The following HOMER1 variants were observed in gnomAD, a reference collection of about 807,000 sequenced individuals.
HOMER1 encodes the protein homer protein homolog 1.
In HOMER1, 3 loss-of-function variants were observed where a neutral mutation model predicts 48.9. The ratio of observed to expected loss-of-function variants is 0.06; its 90% confidence interval spans 0.03 to 0.16. HOMER1 has a LOEUF of 0.16. Among genes scored for constraint, HOMER1 ranks in the 10% least tolerant of loss-of-function variants. The pLI, the probability that HOMER1 is intolerant of heterozygous loss-of-function variation, is 1.00. For missense variants in HOMER1, 247 were observed against 411.4 expected (o/e 0.60, Z 3.46); for synonymous variants, 134 against 146.4 (o/e 0.92, Z 0.61).
At chr5:79,405,033 G>A (rs530655866) in intron 5 of HOMER1, among the ~76,000 whole-genome samples, 50 of 152,146 alleles carry the variant, frequency 3.3e-4, no homozygotes, top group African/African-American at 1.1e-3. Context: ...GATTCTGTGC[G>A]TGAGGCTGAA....
chr5:79,478,460 G>A (rs1045166555), intron 1 of HOMER1, among the ~76,000 whole-genome samples: 3 of 151,872 alleles, frequency 2.0e-5, no homozygotes, highest in East Asian at 1.9e-4. Context: ...AGGCCGAGGC[G>A]GGCGGATTGC....
chr5:79,416,271 T>C (rs1580435517), intron 5 of HOMER1, among the ~76,000 whole-genome samples: 1 of 152,338 alleles, frequency 6.6e-6, no homozygotes, highest in East Asian at 1.9e-4. Flanking sequence ...TTAAACCTTT[T>C]ATGTAACCTC....
intron 5 of HOMER1, among the ~76,000 whole-genome samples, chr5:79,434,337 T>C (rs1750512655): frequency 1.3e-5 from 2 of 149,938 alleles, no homozygotes; most frequent in Admixed American, 1.3e-4. Context: ...AAAAATCTAT[T>C]ATTATTTATT....
At chr5:79,500,573 T>C (rs1316886050) in intron 1 of HOMER1, among the ~76,000 whole-genome samples, 1 of 152,090 alleles carries the variant, frequency 6.6e-6, no homozygotes, top group Non-Finnish European at 1.5e-5. Context: ...GTGAAGACAA[T>C]GAAGATGAAG....
rs1337567984 is a variant in HOMER1 at position 79,513,483 on chromosome 5, A to T, written c.-709T>A. The T allele has an allele frequency of 6.6e-6, 1 of 152,438 alleles. No individual in the cohort carries two copies. Among genetic ancestry groups the T allele is most frequent in the Non-Finnish European group, 1.5e-5 (1 of 68,228 alleles). 9.4% of individuals were successfully genotyped at this position (152,438 alleles called of 1,614,324 possible). ...GCAGGATCGATTCATTCTCCCGAAG[A>T]GAATAAACGGAGCCATTTCCAGGCT... On this transcript the variant is annotated 5_prime_UTR_variant, in exon 1 of 9. Coordinates refer to ENST00000334082, the MANE Select transcript of HOMER1 (RefSeq NM_004272.5).
rs544618636 is a variant in HOMER1 at position 79,451,229 on chromosome 5, C to T, written c.163-108G>A. The T allele has an allele frequency of 3.1e-5, 32 of 1,046,648 alleles. No individual in the cohort carries two copies. In the South Asian group the frequency reaches 3.7e-4, roughly 12 times the overall value. The allele number at this position is 1,046,648 out of a possible 1,614,324, so 64.8% of individuals were successfully genotyped here. A position where few individuals can be genotyped will look rare whatever the true frequency, so the allele number is the denominator to read the frequency against. On this transcript the variant is annotated intron_variant, in intron 2 of 8. Transcript: ENST00000334082. ...GCTTAAGATTATCAATAAGCCACAA[C>T]GTTAAATACATAAAGATAGTTACAG...
intron 5 of HOMER1, among the ~76,000 whole-genome samples, chr5:79,405,961 T>G (rs1231101052): frequency 6.6e-6 from 1 of 152,182 alleles, no homozygotes; most frequent in Non-Finnish European, 1.5e-5. Flanking sequence ...GTAACAGGGA[T>G]TTCATCTATA....
chr5:79,406,564 A>G lies in HOMER1; in HGVS notation c.528-4509T>C, dbSNP rs1561351471. On this transcript the variant is annotated intron_variant, in intron 5 of 8. Coordinates refer to ENST00000334082, the MANE Select transcript of HOMER1 (RefSeq NM_004272.5). The stretch of plus-strand genomic sequence containing the variant: ...GAAAGGATCCTGGATGAGGGGAGAG[A>G]CTTCCATTTGGGAAATTCACAAAGT... Among the ~76,000 whole-genome samples, 4 of 152,186 alleles carry G rather than the reference A, an allele frequency of 2.6e-5. No individual in the cohort carries two copies. In the South Asian group the frequency reaches 8.3e-4, roughly 32 times the overall value.
At chr5:79,401,837 T>C (rs1414501039) in intron 6 of HOMER1, 62 bp downstream of exon 6, 4 of 1,525,984 alleles carry the variant, frequency 2.6e-6, no homozygotes, top group Non-Finnish European at 2.7e-6. Context: ...TACATGCAAA[T>C]TTCTTCTGAT....
chr5:79,510,548 T>C (rs1752912488), intron 1 of HOMER1: 2 of 749,422 alleles, frequency 2.7e-6, no homozygotes, highest in Non-Finnish European at 2.4e-6. Context: ...GGACCCCAAG[T>C]TCCTGAGGAA....
chr5:79,375,945 T>G lies in HOMER1; in HGVS notation c.*64A>C. 1.4e-6 allele frequency: 1 copy of G among 736,096 alleles called. No homozygotes were observed. Among genetic ancestry groups the G allele is most frequent in the East Asian group, 3.1e-5 (1 of 32,372 alleles). 45.6% of individuals were successfully genotyped at this position (736,096 alleles called of 1,614,324 possible). A position where few individuals can be genotyped will look rare whatever the true frequency, so the allele number is the denominator to read the frequency against. On this transcript the variant is annotated 3_prime_UTR_variant, in exon 9 of 9. Transcript: ENST00000334082. ...TTTTGTGCAATCTTGATGCAGAGCC[T>G]AAACAGTCCTATGAAGAGAGACAGT...
At chr5:79,391,149 T>G (rs4997898) in intron 8 of HOMER1, among the ~76,000 whole-genome samples, 62,235 of 147,860 alleles carry the variant, frequency 0.42, 14,443 homozygotes, top group African/African-American at 0.61. Context: ...TTTGTTTTTT[T>G]TTTTTTTGAG....
At chr5:79,469,889 C>A (rs1337032313) in intron 1 of HOMER1, among the ~76,000 whole-genome samples, 1 of 152,076 alleles carries the variant, frequency 6.6e-6, no homozygotes, top group Admixed American at 6.5e-5. Flanking sequence ...CAAATATAAT[C>A]CCTGTAGTGA....
chr5:79,466,489 C>A (rs927692156), intron 1 of HOMER1, among the ~76,000 whole-genome samples: 1 of 147,082 alleles, frequency 6.8e-6, no homozygotes, highest in Non-Finnish European at 1.5e-5. Flanking sequence ...CAGAGGAGAC[C>A]CTGTCTCAAA....
At chr5:79,491,998 T>G (rs1290172571) in intron 1 of HOMER1, among the ~76,000 whole-genome samples, 2 of 152,188 alleles carry the variant, frequency 1.3e-5, no homozygotes, top group African/African-American at 4.8e-5. Context: ...ATTGCTAAGT[T>G]GTTCTGCCTG....
chr5:79,436,000 C>T (rs1400740605), intron 5 of HOMER1, among the ~76,000 whole-genome samples: 2 of 149,346 alleles, frequency 1.3e-5, no homozygotes, highest in African/African-American at 2.5e-5. Context: ...GTGGCGGGCG[C>T]CTGTAGTCCC....
At chr5:79,482,671 T>C (rs1751978927) in intron 1 of HOMER1, among the ~76,000 whole-genome samples, 1 of 151,944 alleles carries the variant, frequency 6.6e-6, no homozygotes, top group Admixed American at 6.6e-5. Flanking sequence ...CAACCTAATA[T>C]GCATGCAACT....
chr5:79,388,836 CA>C (rs1749180661), intron 8 of HOMER1, among the ~76,000 whole-genome samples: 1 of 151,580 alleles, frequency 6.6e-6, no homozygotes, highest in African/African-American at 2.4e-5. Context: ...AAAGAGGTTG[CA>C]AAAAACAAAA....
chr5:79,479,497 G>A (rs900817681), intron 1 of HOMER1, among the ~76,000 whole-genome samples: 1 of 152,146 alleles, frequency 6.6e-6, no homozygotes, highest in Non-Finnish European at 1.5e-5. Context: ...GATTCCATGT[G>A]CTGGCTCTAA....
Sources: allele counts gnomAD v4.1 joint callset (sites outside exome capture counted in the v4.1 genomes callset), GRCh38; gene constraint gnomAD v4.1.1; transcripts MANE v1.5; gene names NCBI Gene and HGNC (gene_info 2026-07-23, HGNC 2026-07-21).